The following HECW2 variants were observed in gnomAD, a reference collection of about 807,000 sequenced individuals.
The protein encoded by HECW2 is HECT, C2 and WW domain containing E3 ubiquitin protein ligase 2.
A neutral mutation model predicts 175.2 loss-of-function variants in HECW2; 61 were observed. The observed-to-expected ratio is 0.35, with a 90% CI of 0.28 to 0.43. The LOEUF (loss-of-function observed/expected upper bound fraction) is 0.43. Ranked by LOEUF, HECW2 falls within the 20% of genes least tolerant of loss-of-function variation. The pLI is 1.00. For missense variants in HECW2, 1,524 were observed against 2,000.5 expected (o/e 0.76, Z 4.54); for synonymous variants, 671 against 731.0 (o/e 0.92, Z 1.32).
chr2:196,392,520 G>A (rs1233920868), intron 2 of HECW2, among the ~76,000 whole-genome samples: 2 of 151,974 alleles, frequency 1.3e-5, no homozygotes, highest in African/African-American at 4.8e-5. Flanking sequence ...TTTGTGTTTT[G>A]TCAGCAATGC....
intron 1 of HECW2, 58 bp from the exon 2 acceptor site, chr2:196,433,516 A>G: frequency 1.6e-6 from 2 of 1,286,236 alleles, no homozygotes; most frequent in Non-Finnish European, 2.1e-6. Context: ...ATCAGATTTA[A>G]GCTTTCCAGA....
At chr2:196,230,315 A>C (rs1477041971) in intron 21 of HECW2, among the ~76,000 whole-genome samples, 1 of 152,210 alleles carries the variant, frequency 6.6e-6, no homozygotes, top group Admixed American at 6.5e-5. Flanking sequence ...GAACAAATAG[A>C]ATATTTCTTC....
intron 1 of HECW2, among the ~76,000 whole-genome samples, chr2:196,484,389 T>G (rs1287636445): frequency 1.3e-5 from 2 of 152,318 alleles, no homozygotes; most frequent in African/African-American, 4.8e-5. Context: ...CTTTAGAATT[T>G]ATGTTTAAAA....
intron 2 of HECW2, among the ~76,000 whole-genome samples, chr2:196,378,851 C>T (rs560839771): frequency 1.4e-4 from 21 of 152,214 alleles, no homozygotes; most frequent in South Asian, 8.3e-4. Flanking sequence ...GAAGACATTA[C>T]GCTGCCACAA....
At chr2:196,278,779 A>G (rs1690075363) in intron 14 of HECW2, 117 bp from the exon 15 acceptor site, 11 of 1,174,726 alleles carry the variant, frequency 9.4e-6, no homozygotes, top group East Asian at 2.5e-5. Flanking sequence ...CTATTTTCTC[A>G]TAATTTTCAA....
At chr2:196,472,987 T>C (rs1327575098) in intron 1 of HECW2, among the ~76,000 whole-genome samples, 1 of 152,232 alleles carries the variant, frequency 6.6e-6, no homozygotes, top group Non-Finnish European at 1.5e-5. Context: ...TTTATACTTT[T>C]GTATGTCTTA....
At chr2:196,288,765 A>G (rs1372223808) in intron 14 of HECW2, 1 of 152,246 alleles carries the variant, frequency 6.6e-6, no homozygotes, top group Non-Finnish European at 1.5e-5. Flanking sequence ...ATAAATTATC[A>G]GGAGGCTCCC....
chr2:196,522,698 G>C (rs1354589342), intron 1 of HECW2, among the ~76,000 whole-genome samples: 1 of 149,858 alleles, frequency 6.7e-6, no homozygotes, highest in Non-Finnish European at 1.5e-5. Flanking sequence ...TCTACATATG[G>C]CTAGCCAGTT....
At chr2:196,207,006 G>A (rs1687092351) in intron 28 of HECW2, among the ~76,000 whole-genome samples, 1 of 152,216 alleles carries the variant, frequency 6.6e-6, no homozygotes, top group Non-Finnish European at 1.5e-5. Flanking sequence ...TCAACAACAA[G>A]GAGAAGGATG....
chr2:196,496,274 A>G (rs1459533893), intron 1 of HECW2, among the ~76,000 whole-genome samples: 1 of 152,070 alleles, frequency 6.6e-6, no homozygotes, highest in Non-Finnish European at 1.5e-5. Context: ...TGGCGGCCTC[A>G]GAGACTAGTA....
At chr2:196,496,523 C>T (rs1687399875) in intron 1 of HECW2, among the ~76,000 whole-genome samples, 1 of 152,106 alleles carries the variant, frequency 6.6e-6, no homozygotes, top group Admixed American at 6.6e-5. Flanking sequence ...AATTATCACA[C>T]ATAAAGCTCA....
intron 2 of HECW2, among the ~76,000 whole-genome samples, chr2:196,358,660 A>G (rs772241426): frequency 4.1e-4 from 61 of 147,020 alleles, no homozygotes; most frequent in African/African-American, 1.4e-3. Flanking sequence ...CTATGTTTTC[A>G]TTTCATTACT....
chr2:196,354,272 C>A (rs1411759265), intron 2 of HECW2, among the ~76,000 whole-genome samples: 3 of 152,214 alleles, frequency 2.0e-5, no homozygotes, highest in African/African-American at 7.2e-5. Context: ...GTTGTGGCCA[C>A]CCCTGCCTGG....
At chr2:196,316,237 C>T (rs1480345216) in intron 10 of HECW2, 1 of 152,164 alleles carries the variant, frequency 6.6e-6, no homozygotes, top group Non-Finnish European at 1.5e-5. Flanking sequence ...GATCTGTGCC[C>T]AAAAGAATTT....
intron 1 of HECW2, among the ~76,000 whole-genome samples, chr2:196,496,152 A>T (rs1687383460): frequency 2.0e-5 from 3 of 152,132 alleles, no homozygotes; most frequent in East Asian, 3.9e-4. Context: ...GATCTGCTTT[A>T]AAAAAATTGG....
intron 1 of HECW2, among the ~76,000 whole-genome samples, chr2:196,467,746 C>A (rs1370862337): frequency 6.6e-6 from 1 of 152,174 alleles, no homozygotes; most frequent in Non-Finnish European, 1.5e-5. Flanking sequence ...CATTTCTGAG[C>A]AAAACCCCCA....
chr2:196,492,925 G>A (rs945345667), intron 1 of HECW2, among the ~76,000 whole-genome samples: 40 of 152,168 alleles, frequency 2.6e-4, no homozygotes, highest in Admixed American at 2.0e-3. Flanking sequence ...GAACAGAGAT[G>A]TTAACTTTAA....
At position 196,235,618 on chromosome 2, in the gene HECW2, CT is replaced by C. The variant is rs1688216914; in HGVS notation, c.3764+4830del. Among the ~76,000 whole-genome samples, 3 of 144,734 alleles carry C rather than the reference CT, an allele frequency of 2.1e-5. No individual in the cohort carries two copies. The East Asian group carries it at 6.2e-4, about 30-fold the overall frequency. 95.0% of individuals were successfully genotyped at this position (144,734 alleles called of 152,430 possible). A position where few individuals can be genotyped will look rare whatever the true frequency, so the allele number is the denominator to read the frequency against. Reference sequence around the variant, plus strand: ...CTGAAATCTCTCTGCTCATTCACACCTTTTTTGGAGCACAGGTAGATGCATT... The same window carrying C: ...CTGAAATCTCTCTGCTCATTCACACCTTTTTGGAGCACAGGTAGATGCATT... On this transcript the variant is annotated intron_variant, in intron 21 of 28. Transcript: ENST00000644978.
At chr2:196,343,633 T>C (rs1337032493) in intron 3 of HECW2, 24 bp downstream of exon 3, 3 of 1,419,058 alleles carry the variant, frequency 2.1e-6, no homozygotes, top group Admixed American at 1.7e-5. Flanking sequence ...ATAATAAGTT[T>C]ATATTTCACA....
Sources: allele counts gnomAD v4.1 joint callset (sites outside exome capture counted in the v4.1 genomes callset), GRCh38; gene constraint gnomAD v4.1.1; transcripts MANE v1.5; gene names NCBI Gene and HGNC (gene_info 2026-07-23, HGNC 2026-07-21).